The following NT5C1B variants were observed in gnomAD, a reference collection of about 807,000 sequenced individuals.
NT5C1B encodes the protein 5'-nucleotidase, cytosolic IB, also known as cytosolic 5'-nucleotidase 1B.
NT5C1B carries 44 observed loss-of-function variants against 57.8 expected under a neutral mutation model. The observed-to-expected ratio is 0.76, with a 90% confidence interval of 0.60 to 0.98. The LOEUF (loss-of-function observed/expected upper bound fraction) is 0.98, where lower values mean the gene tolerates loss of function less well. Ranked by LOEUF, NT5C1B falls within the 50% of genes least tolerant of loss-of-function variation. The pLI, the probability that NT5C1B is intolerant of heterozygous loss-of-function variation, is 0.00. For missense variants in NT5C1B, 742 were observed against 719.5 expected (o/e 1.03, Z -0.36); for synonymous variants, 284 against 282.6 (o/e 1.00, Z -0.05).
rs763994824 is a variant in NT5C1B, at chr2:18,584,877, G to C, written c.360C>G (p.Pro120=). 7 of 1,593,876 alleles carry C rather than the reference G, an allele frequency of 4.4e-6. No individual in the cohort carries two copies. Among genetic ancestry groups the C allele is most frequent in the South Asian group, 1.1e-5 (1 of 89,390 alleles). Reference sequence around the variant, plus strand: ...GCGACCGGGGCAGCTGGGGCGACGCGGGTGGCTGGAGCGAGGGCTGCCCGG... The same window carrying C: ...GCGACCGGGGCAGCTGGGGCGACGCCGGTGGCTGGAGCGAGGGCTGCCCGG... Residue 120 remains proline (P), a synonymous_variant, in exon 4 of 9, where the codon CCC becomes CCG. Transcript: ENST00000304081. The surrounding 1 kb of genome is among the most constrained non-coding windows in gnomAD (Gnocchi z 5.8).
intron 1 of NT5C1B, among the ~76,000 whole-genome samples, chr2:18,588,065 T>C (rs1392209636): frequency 6.6e-6 from 1 of 152,194 alleles, no homozygotes; most frequent in Non-Finnish European, 1.5e-5. Context: ...TTTCTAAATA[T>C]AAGGACCTTA....
Position 18,586,895 on chromosome 2 carries a change from G to A in NT5C1B, c.121-504C>T, listed in dbSNP as rs199690682. On this transcript the variant is annotated intron_variant, in intron 2 of 8. Coordinates refer to ENST00000304081, the Ensembl canonical transcript of NT5C1B. Reference sequence around the variant, plus strand: ...GAGAAACAAGAATGAAGGACCCCCCGGAACAGCAAAGTAAAAGAGTTTCTA... The same window carrying A: ...GAGAAACAAGAATGAAGGACCCCCCAGAACAGCAAAGTAAAAGAGTTTCTA... The A allele has an allele frequency of 1.7e-4, 267 of 1,568,018 alleles. 1 individual carries two copies. Among genetic ancestry groups the A allele is most frequent in the South Asian group, 1.3e-3 (112 of 84,962 alleles).
chr2:18,582,945 T>A, exon 6 of NT5C1B: 1 of 1,614,068 alleles, frequency 6.2e-7, no homozygotes, highest in Non-Finnish European at 8.5e-7. Context: ...ATCAAATAAG[T>A]CCTGTTCATC....
chr2:18,587,376 A>C, intron 2 of NT5C1B, 127 bp downstream of exon 2: 9 of 1,510,956 alleles, frequency 6.0e-6, no homozygotes, highest in Non-Finnish European at 7.9e-6. Flanking sequence ...TCATGAGGAC[A>C]TTAGGGACGC....
At chr2:18,576,085 A>C in intron 8 of NT5C1B, 99 bp downstream of exon 8, 1 of 1,296,580 alleles carries the variant, frequency 7.7e-7, no homozygotes, top group Non-Finnish European at 1.0e-6. Flanking sequence ...TGCCCTGCCT[A>C]GAATAACTTA....
At chr2:18,582,274 A>G (rs930836435) in intron 6 of NT5C1B, among the ~76,000 whole-genome samples, 2 of 152,248 alleles carry the variant, frequency 1.3e-5, no homozygotes, top group Non-Finnish European at 2.9e-5. Flanking sequence ...TTAACTTCAC[A>G]TACCCATTTA....
At position 18,576,365 on chromosome 2, in the gene NT5C1B, A is replaced by T. The variant is rs762082395; in HGVS notation, c.1148T>A (p.Ile383Asn). ...TCCATCAAACATTGTCGCAGAGGCA[A>T]TACCTGATAGATCATGGAGACTGAT... The change falls in exon 8 of 9, where the codon ATT (isoleucine) becomes AAT (asparagine). Residue 383 changes from isoleucine to asparagine, a missense_variant. Coordinates refer to ENST00000304081, the Ensembl canonical transcript of NT5C1B. 318 of 1,611,492 alleles carry T rather than the reference A, an allele frequency of 2.0e-4. No homozygotes were observed. Among genetic ancestry groups the T allele is most frequent in the Non-Finnish European group, 2.6e-4 (310 of 1,179,184 alleles).
chr2:18,578,584 C>T (rs1665910162), intron 6 of NT5C1B, among the ~76,000 whole-genome samples: 1 of 151,996 alleles, frequency 6.6e-6, no homozygotes, highest in Admixed American at 6.5e-5. Context: ...GCAAAAAAGG[C>T]TGTCAATAAA....
At position 18,584,698 on chromosome 2, in the gene NT5C1B, G is replaced by A. The variant is rs762572394; in HGVS notation, c.539C>T (p.Pro180Leu). ...CTGGCTGGAGGACTTCCACTCGGTG[G>A]GGGACGTGCGCGAATATTCCAGCGG... The change falls in exon 4 of 9, where the codon CCC (proline) becomes CTC (leucine). Residue 180 changes from proline to leucine, a missense_variant. Physicochemically the swap from Pro to Leu is moderately conservative, Grantham distance 98. Transcript: ENST00000304081. The surrounding 1 kb of genome is among the most constrained non-coding windows in gnomAD (Gnocchi z 5.8). 4 of 1,612,406 alleles carry A rather than the reference G, an allele frequency of 2.5e-6. No individual in the cohort carries two copies. Among genetic ancestry groups the A allele is most frequent in the Non-Finnish European group, 3.4e-6 (4 of 1,179,026 alleles).
At chr2:18,576,512 C>T in intron 7 of NT5C1B, 144 bp from the exon 8 acceptor site, 1 of 1,240,546 alleles carries the variant, frequency 8.1e-7, no homozygotes, top group Non-Finnish European at 1.1e-6. Flanking sequence ...CAACCACAGA[C>T]CTCAGAACAG....
chr2:18,578,236 T>C (rs1438570515), intron 6 of NT5C1B, among the ~76,000 whole-genome samples: 1 of 152,070 alleles, frequency 6.6e-6, no homozygotes, highest in Non-Finnish European at 1.5e-5. Flanking sequence ...ATTGTAAAAA[T>C]TATGGAGGAG....
chr2:18,584,290 A>G lies in NT5C1B; in HGVS notation c.724-35T>C, dbSNP rs763722258. 3.7e-6 allele frequency: 6 copies of G among 1,603,934 alleles called. No homozygotes were observed. The South Asian group carries it at 5.6e-5, about 15-fold the overall frequency. ...GGGACGCCAAAGGGAGGATAGTCAC[A>G]TAGCCACGAAGAGGACAGGGTTGGG... On this transcript the variant is annotated intron_variant, in intron 4 of 8. Coordinates refer to ENST00000304081, the Ensembl canonical transcript of NT5C1B. The surrounding 1 kb of genome is among the most constrained non-coding windows in gnomAD (Gnocchi z 5.8).
At chr2:18,568,380 G>C (rs767184920) in intron 8 of NT5C1B, among the ~76,000 whole-genome samples, 12 of 151,874 alleles carry the variant, frequency 7.9e-5, no homozygotes, top group Non-Finnish European at 1.5e-4. Flanking sequence ...TTTAGGCAAA[G>C]AAAAACAGAG....
intron 5 of NT5C1B, 57 bp from the exon 6 acceptor site, chr2:18,583,054 A>ATG: frequency 1.9e-6 from 3 of 1,570,176 alleles, no homozygotes; most frequent in Non-Finnish European, 2.6e-6. Flanking sequence ...GGATCTGGGG[A>ATG]GGCCGGAGAG....
chr2:18,576,613 C>T (rs1665699893), intron 7 of NT5C1B, among the ~76,000 whole-genome samples, 160 bp downstream of exon 7: 1 of 152,088 alleles, frequency 6.6e-6, no homozygotes, highest in East Asian at 1.9e-4. Context: ...CCAGGAAAGT[C>T]AAAGCTCTAA....
At chr2:18,586,153 G>A (rs2148179490) in intron 3 of NT5C1B, 101 bp downstream of exon 3, 2 of 1,510,816 alleles carry the variant, frequency 1.3e-6, no homozygotes, top group Middle Eastern at 2.4e-4. Context: ...GCTAACACAT[G>A]TAAAGCACAT....
chr2:18,579,689 G>A (rs1317139901), intron 6 of NT5C1B, among the ~76,000 whole-genome samples: 1 of 151,962 alleles, frequency 6.6e-6, no homozygotes, highest in Non-Finnish European at 1.5e-5. Flanking sequence ...AAGCCCTAGA[G>A]GAAAACCTAG....
At chr2:18,585,849 T>C (rs538990406) in intron 3 of NT5C1B, among the ~76,000 whole-genome samples, 1 of 152,270 alleles carries the variant, frequency 6.6e-6, no homozygotes, top group Admixed American at 6.5e-5. Flanking sequence ...TTTTTTTAAT[T>C]GCTTATGTGG....
intron 7 of NT5C1B, 111 bp downstream of exon 7, chr2:18,576,662 A>C: frequency 6.6e-7 from 1 of 1,519,534 alleles, no homozygotes; most frequent in East Asian, 2.3e-5. Context: ...GAAAAACTTC[A>C]GAAGAATATC....
Sources: gnomAD v4.1 joint callset for allele counts (sites outside exome capture counted in the v4.1 genomes callset) on GRCh38, gnomAD v4.1.1 for gene constraint, Gnocchi (gnomAD v3.1) non-coding constraint, MANE v1.5 for transcripts, NCBI Gene and HGNC (gene_info 2026-07-23, HGNC 2026-07-21) for gene names.